The following TENM3 variants were observed in gnomAD, a reference collection of about 807,000 sequenced individuals.
TENM3 encodes the protein teneurin transmembrane protein 3.
In TENM3, 63 loss-of-function variants were observed where a neutral mutation model predicts 255.1. The observed-to-expected ratio is 0.25, with a 90% CI of 0.20 to 0.30. The LOEUF (loss-of-function observed/expected upper bound fraction) is 0.30. Ranked by LOEUF, TENM3 falls within the 10% of genes least tolerant of loss-of-function variation. The probability of loss-of-function intolerance (pLI) is 1.00; values close to 1 mark genes in which losing one functional copy is unlikely to be tolerated. For missense variants in TENM3, 2,929 were observed against 3,461.1 expected, an observed-to-expected ratio of 0.85 and a Z score of 3.86; for synonymous variants, 1,306 against 1,322.3, an observed-to-expected ratio of 0.99 and a Z score of 0.27.
chr4:182,730,108 T>G, intron 14 of TENM3, 92 bp from the exon 15 acceptor site: 1 of 1,505,174 alleles, frequency 6.6e-7, no homozygotes. Flanking sequence ...AGCATAGTGT[T>G]ATTTTATCCT....
intron 1 of TENM3, among the ~76,000 whole-genome samples, chr4:182,225,912 T>G (rs1756122855): frequency 6.6e-6 from 1 of 152,130 alleles, no homozygotes; most frequent in African/African-American, 2.4e-5. Context: ...CATCATACCC[T>G]TAAGCAGCTC....
the TENM3 span, among the ~76,000 whole-genome samples, chr4:181,818,735 G>T: frequency 6.6e-6 from 1 of 151,736 alleles, no homozygotes; most frequent in African/African-American, 2.4e-5. Context: ...TCAGCCTCCT[G>T]AGTAGCCAGG....
the TENM3 span, among the ~76,000 whole-genome samples, chr4:181,929,823 C>A: frequency 2.6e-5 from 4 of 152,186 alleles, no homozygotes; most frequent in Non-Finnish European, 5.9e-5. Flanking sequence ...GAAATCATAA[C>A]AGTCTCTCAG....
intron 1 of TENM3, among the ~76,000 whole-genome samples, chr4:182,253,358 A>G (rs1385484111): frequency 1.3e-5 from 2 of 152,212 alleles, no homozygotes; most frequent in Non-Finnish European, 2.9e-5. Context: ...CTGTAATCCC[A>G]GCTACTTGGG....
At position 182,792,804 on chromosome 4, in the gene TENM3, T is replaced by A; in HGVS notation, c.6132T>A (p.Tyr2044Ter). The A allele has an allele frequency of 6.2e-7, 1 of 1,613,974 alleles. No homozygotes were observed. The highest frequency in any genetic ancestry group is 8.5e-7 in the Non-Finnish European group (1 of 1,179,890). The change falls in exon 26 of 28, where the codon TAT (tyrosine) becomes TAA (stop). Residue 2044 changes from tyrosine to a stop codon, truncating the protein, a stop_gained. Transcript: ENST00000511685. LOFTEE classifies it high-confidence loss of function. This position sits in a 1 kb window ranked among gnomAD's most constrained non-coding sequence, Gnocchi z 6.3. ...INETPLPIDL[Y>*]QFDDISGKVE... ...AAACGCCACTGCCTATTGATCTGTA[T>A]CAGTTTGATGACATTTCTGGCAAAG...
Position 182,570,577 on chromosome 4 carries a change from T to C in TENM3, c.512-30347T>C, listed in dbSNP as rs559317538. On this transcript the variant is annotated intron_variant, in intron 3 of 27. Transcript: ENST00000511685. ...AAACTTGGAAAGGGCCGGCCGGGCGTGGTGGCTCACGCCTGTAATCCCAAC... is the reference window on the plus strand; with the variant it reads ...AAACTTGGAAAGGGCCGGCCGGGCGCGGTGGCTCACGCCTGTAATCCCAAC... Among the ~76,000 whole-genome samples, 6 of 152,220 alleles carry C rather than the reference T, an allele frequency of 3.9e-5. No homozygotes were observed. In the East Asian group the frequency reaches 1.2e-3, roughly 30 times the overall value.
chr4:181,572,475 C>G, the TENM3 span, among the ~76,000 whole-genome samples: 1 of 152,166 alleles, frequency 6.6e-6, no homozygotes, highest in South Asian at 2.1e-4. Context: ...TGCCTTACAA[C>G]TGTGGTAGAA....
chr4:182,257,733 T>G (rs1465504554), intron 1 of TENM3, among the ~76,000 whole-genome samples: 1 of 152,160 alleles, frequency 6.6e-6, no homozygotes, highest in African/African-American at 2.4e-5. Context: ...GAGATGGGTA[T>G]TACCACCCTC....
chr4:182,247,703 T>C (rs1027018367), intron 1 of TENM3, among the ~76,000 whole-genome samples: 3 of 152,230 alleles, frequency 2.0e-5, no homozygotes, highest in Non-Finnish European at 4.4e-5. Flanking sequence ...CAGTAGCAAC[T>C]GGACCAAGGA....
chr4:181,967,552 T>G, the TENM3 span, among the ~76,000 whole-genome samples: 1 of 152,154 alleles, frequency 6.6e-6, no homozygotes, highest in South Asian at 2.1e-4. Context: ...CCCCTGACTT[T>G]CCCATGCTGG....
intron 1 of TENM3, among the ~76,000 whole-genome samples, chr4:182,168,018 A>C (rs1183371017): frequency 6.6e-6 from 1 of 152,234 alleles, no homozygotes; most frequent in African/African-American, 2.4e-5. Flanking sequence ...ATTTCTGTTC[A>C]TCCCGTCACA....
At chr4:181,591,383 C>CA in the TENM3 span, among the ~76,000 whole-genome samples, 1 of 152,114 alleles carries the variant, frequency 6.6e-6, no homozygotes, top group South Asian at 2.1e-4. Flanking sequence ...GAATTTACTT[C>CA]AAAAAAATGA....
chr4:182,526,471 C>T (rs1001039935), intron 3 of TENM3, among the ~76,000 whole-genome samples: 2 of 152,094 alleles, frequency 1.3e-5, no homozygotes, highest in Non-Finnish European at 2.9e-5. Context: ...CTCTCTTCTT[C>T]CTTTAGTGGG....
chr4:181,697,089 T>TTATC, the TENM3 span, among the ~76,000 whole-genome samples: 5 of 152,208 alleles, frequency 3.3e-5, no homozygotes, highest in African/African-American at 9.6e-5. Context: ...TGACCAACAA[T>TTATC]TATCTGTCTG....
the TENM3 span, among the ~76,000 whole-genome samples, chr4:181,818,231 G>T: frequency 6.6e-6 from 1 of 152,208 alleles, no homozygotes; most frequent in Non-Finnish European, 1.5e-5. Context: ...GTGTTACCAT[G>T]AAGGTATTTT....
At chr4:182,159,729 G>C (rs1750980881) in intron 1 of TENM3, among the ~76,000 whole-genome samples, 1 of 152,162 alleles carries the variant, frequency 6.6e-6, no homozygotes, top group African/African-American at 2.4e-5. Context: ...TCCGGCCCGT[G>C]GATGGCCGGA....
At chr4:181,463,330 C>T in the TENM3 span, among the ~76,000 whole-genome samples, 4 of 152,162 alleles carry the variant, frequency 2.6e-5, no homozygotes, top group Non-Finnish European at 5.9e-5. Flanking sequence ...GGTCATGTGT[C>T]CTATTTTATC....
chr4:181,682,086 G>A, the TENM3 span, among the ~76,000 whole-genome samples: 3 of 152,244 alleles, frequency 2.0e-5, no homozygotes, highest in Non-Finnish European at 4.4e-5. Context: ...CGAATCATCA[G>A]ACACTTAAAT....
At chr4:182,647,281 T>TA (rs1461496702) in intron 5 of TENM3, among the ~76,000 whole-genome samples, 1 of 152,242 alleles carries the variant, frequency 6.6e-6, no homozygotes, top group East Asian at 1.9e-4. Flanking sequence ...TTTAAGTGTA[T>TA]AGCTCAGTAG....
Sources: allele counts gnomAD v4.1 joint callset (sites outside exome capture counted in the v4.1 genomes callset), GRCh38; gene constraint gnomAD v4.1.1; non-coding constraint Gnocchi (gnomAD v3.1); transcripts MANE v1.5; gene names NCBI Gene and HGNC (gene_info 2026-07-23, HGNC 2026-07-21).